The following CILK1 variants were observed in gnomAD, a reference collection of about 807,000 sequenced individuals.
CILK1 encodes serine/threonine-protein kinase ICK.
A neutral mutation model predicts 79.2 loss-of-function variants in CILK1; 47 were observed. The observed-to-expected ratio is 0.59, with a 90% CI of 0.47 to 0.76. CILK1 has a LOEUF of 0.76. Among genes scored for constraint, CILK1 ranks in the 30% least tolerant of loss-of-function variants. CILK1 has a pLI of 0.00. For missense variants in CILK1, 660 were observed against 769.5 expected, an observed-to-expected ratio of 0.86 and a Z score of 1.68; for synonymous variants, 266 against 275.9, an observed-to-expected ratio of 0.96 and a Z score of 0.36.
At chr6:53,043,389 G>A (rs1329343055) in intron 1 of CILK1, among the ~76,000 whole-genome samples, 2 of 151,998 alleles carry the variant, frequency 1.3e-5, no homozygotes, top group African/African-American at 2.4e-5. Flanking sequence ...AAAGCCGTGT[G>A]TGAGCTTGAA....
intron 12 of CILK1, 146 bp downstream of exon 12, chr6:53,009,293 G>T: frequency 3.8e-6 from 3 of 796,000 alleles, no homozygotes. Flanking sequence ...AGAAAGAGAG[G>T]AGGATAGGGC....
At position 53,016,206 on chromosome 6, in the gene CILK1, G is replaced by A; in HGVS notation, c.708C>T (p.Phe236=). The change falls in exon 8 of 14, where the codon TTC becomes TTT. Residue 236 remains phenylalanine, a synonymous_variant. Coordinates refer to ENST00000676107, the MANE Select transcript of CILK1 (RefSeq NM_014920.5). The part of the protein sequence containing the change: ...EGYQLSSAMN[F]RWPQCVPNNL... ...TATTGGGTACACACTGTGGCCAACG[G>A]AAGTTCATTGCACTTGAAAGTTGAT... The A allele has an allele frequency of 6.2e-7, 1 of 1,614,118 alleles. No homozygotes were observed. Among genetic ancestry groups the A allele is most frequent in the Non-Finnish European group, 8.5e-7 (1 of 1,179,944 alleles).
chr6:53,050,280 CATA>C (rs1315478911), intron 1 of CILK1, among the ~76,000 whole-genome samples: 1 of 151,844 alleles, frequency 6.6e-6, no homozygotes, highest in Non-Finnish European at 1.5e-5. Context: ...ATACTGGCAG[CATA>C]ATATTTCACC....
At chr6:53,017,433 G>C (rs1000067930) in intron 7 of CILK1, among the ~76,000 whole-genome samples, 3 of 152,230 alleles carry the variant, frequency 2.0e-5, no homozygotes, top group Non-Finnish European at 4.4e-5. Flanking sequence ...CTCAGGCAGA[G>C]GGTGTTATGT....
At chr6:53,019,831 T>C (rs997723650) in intron 5 of CILK1, among the ~76,000 whole-genome samples, 4 of 134,374 alleles carry the variant, frequency 3.0e-5, no homozygotes, top group African/African-American at 8.6e-5. Context: ...CTAGTTTTTT[T>C]GTTTTTTTTT....
At chr6:53,055,520 G>A (rs779932199) in intron 1 of CILK1, among the ~76,000 whole-genome samples, 2 of 152,148 alleles carry the variant, frequency 1.3e-5, no homozygotes, top group Admixed American at 1.3e-4. Flanking sequence ...CTTGACAGAG[G>A]AGTGAATTAA....
intron 12 of CILK1, among the ~76,000 whole-genome samples, chr6:53,008,327 A>G (rs1265152502): frequency 6.6e-6 from 1 of 152,164 alleles, no homozygotes; most frequent in East Asian, 1.9e-4. Flanking sequence ...ATACAAACCT[A>G]AATAAACACT....
rs1171948662 is a variant in CILK1 at position 53,002,058 on chromosome 6, G to A, written c.*3091C>T. Reference sequence around the variant, plus strand: ...ATGACACAGTGTTACTTTATTAGATGTATATAGTCCTTTAGGCAAGAGATA... The same window carrying A: ...ATGACACAGTGTTACTTTATTAGATATATATAGTCCTTTAGGCAAGAGATA... On this transcript the variant is annotated 3_prime_UTR_variant, in exon 14 of 14. Coordinates refer to ENST00000676107, the MANE Select transcript of CILK1 (RefSeq NM_014920.5). 3.3e-5 allele frequency: 5 copies of A among 152,490 alleles called. No homozygotes were observed. In the South Asian group the frequency reaches 1.0e-3, roughly 32 times the overall value. The allele number at this position is 152,490 out of a possible 1,614,324, so 9.4% of individuals were successfully genotyped here.
chr6:53,056,987 G>T (rs778671115), intron 1 of CILK1, among the ~76,000 whole-genome samples: 1 of 152,054 alleles, frequency 6.6e-6, no homozygotes, highest in Non-Finnish European at 1.5e-5. Context: ...TCACATGAAG[G>T]CATGTATATC....
At chr6:53,016,371 C>T in intron 7 of CILK1, 121 bp from the exon 8 acceptor site, 3 of 880,640 alleles carry the variant, frequency 3.4e-6, no homozygotes, top group South Asian at 2.7e-5. Flanking sequence ...CATTCATTAA[C>T]CACCCACATT....
At chr6:53,055,099 G>C (rs1349357088) in intron 1 of CILK1, among the ~76,000 whole-genome samples, 1 of 152,198 alleles carries the variant, frequency 6.6e-6, no homozygotes, top group Admixed American at 6.5e-5. Context: ...CTTAGAAGGA[G>C]CTTGTCTCCC....
Position 53,019,217 on chromosome 6 carries a change from T to G in CILK1, c.491+10A>C. On this transcript the variant is annotated intron_variant, in intron 6 of 13. Coordinates refer to ENST00000676107, the MANE Select transcript of CILK1 (RefSeq NM_014920.5). ...TGCAATTAAATAATTTTGAGAAAAA[T>G]GGTATTCACCATCTGGTAGATACAT... 1 of 1,611,482 alleles carries G rather than the reference T, an allele frequency of 6.2e-7. No homozygotes were observed. Among genetic ancestry groups the G allele is most frequent in the Non-Finnish European group, 8.5e-7 (1 of 1,177,596 alleles).
chr6:53,016,056 C>G, intron 8 of CILK1, 27 bp downstream of exon 8: 4 of 1,608,678 alleles, frequency 2.5e-6, no homozygotes, highest in Non-Finnish European at 3.4e-6. Context: ...TAGATATGAA[C>G]GTTATAACAA....
chr6:53,022,399 A>G (rs1012890156), intron 5 of CILK1, among the ~76,000 whole-genome samples: 12 of 152,220 alleles, frequency 7.9e-5, no homozygotes, highest in Non-Finnish European at 1.8e-4. Context: ...ATGTTTAGAT[A>G]CACAAATACT....
At chr6:53,020,805 A>C (rs1275225080) in intron 5 of CILK1, among the ~76,000 whole-genome samples, 1 of 152,194 alleles carries the variant, frequency 6.6e-6, no homozygotes, top group Non-Finnish European at 1.5e-5. Flanking sequence ...GCTCAAGTCT[A>C]CATTTCTAAT....
At chr6:53,055,427 G>T (rs1478774924) in intron 1 of CILK1, among the ~76,000 whole-genome samples, 13 of 152,116 alleles carry the variant, frequency 8.5e-5, no homozygotes, top group South Asian at 2.1e-4. Context: ...TTGCCTCTTG[G>T]ACTACTGCTT....
At chr6:53,044,184 T>G (rs138586453) in intron 1 of CILK1, among the ~76,000 whole-genome samples, 1,836 of 152,248 alleles carry the variant, frequency 0.012, 34 homozygotes, top group East Asian at 0.064. Context: ...TGTTAGGAGC[T>G]GGGCCACACA....
rs368006001 is a variant in CILK1, at chr6:53,012,241, C to T, written c.1153-14G>A. The T allele has an allele frequency of 1.7e-4, 276 of 1,613,570 alleles. 3 individuals carry two copies. Among genetic ancestry groups the T allele is most frequent in the East Asian group, 1.4e-3 (61 of 44,880 alleles). ...AGCTGTGATTTTCTGTGTAAACAAA[C>T]GGGGTGGGGGAAAGCAATACTTGGC... On this transcript the variant is annotated splice_polypyrimidine_tract_variant and intron_variant, in intron 9 of 13. Transcript: ENST00000676107.
chr6:53,013,710 C>A lies in CILK1; in HGVS notation c.1104G>T (p.Lys368Asn), dbSNP rs770148052. ...TDHPSHLQED[K>N]PSPLLFPSLH... is the part of the protein sequence containing the mutation. Reference sequence around the variant, plus strand: ...GGGATGGGAAAAGCAACGGGCTTGGCTTGTCCTCCTGGAGATGGCTTGGGT... The same window carrying A: ...GGGATGGGAAAAGCAACGGGCTTGGATTGTCCTCCTGGAGATGGCTTGGGT... Residue 368 changes from lysine (K) to asparagine (N), a missense_variant, in exon 9 of 14, where the codon AAG becomes AAT. Transcript: ENST00000676107. 1 of 1,613,974 alleles carries A rather than the reference C, an allele frequency of 6.2e-7. No homozygotes were observed. The highest frequency in any genetic ancestry group is 8.5e-7 in the Non-Finnish European group (1 of 1,179,862).
Sources: allele counts gnomAD v4.1 joint callset (sites outside exome capture counted in the v4.1 genomes callset), GRCh38; gene constraint gnomAD v4.1.1; transcripts MANE v1.5; gene names NCBI Gene and HGNC (gene_info 2026-07-23, HGNC 2026-07-21).